Variants in PTPRD observed in about 807,000 individuals in gnomAD.
The protein encoded by PTPRD is receptor-type tyrosine-protein phosphatase delta.
A neutral mutation model predicts 214.5 loss-of-function variants in PTPRD; 34 were observed. The ratio of observed to expected loss-of-function variants is 0.16; its 90% CI spans 0.12 to 0.21. The LOEUF (loss-of-function observed/expected upper bound fraction) is 0.21. Ranked by LOEUF, PTPRD falls within the 10% of genes least tolerant of loss-of-function variation. The pLI, the probability that PTPRD is intolerant of heterozygous loss-of-function variation, is 1.00. For missense variants in PTPRD, 2,545 were observed against 2,398.7 expected, an observed-to-expected ratio of 1.06 and a Z score of -1.27; for synonymous variants, 1,128 against 845.7, an observed-to-expected ratio of 1.33 and a Z score of -5.79.
intron 8 of PTPRD, among the ~76,000 whole-genome samples, chr9:9,550,596 TG>T (rs964921395): frequency 6.0e-5 from 9 of 150,712 alleles, no homozygotes; most frequent in African/African-American, 2.2e-4. Flanking sequence ...TTGGTTCTGT[TG>T]CTCTGGAAAG....
At chr9:10,165,287 T>G (rs1006862425) in intron 3 of PTPRD, among the ~76,000 whole-genome samples, 2 of 151,734 alleles carry the variant, frequency 1.3e-5, no homozygotes, top group Non-Finnish European at 3.0e-5. Context: ...AAGAGTAATT[T>G]TCAAAGCATG....
chr9:9,955,521 G>GTTTTTTTTTTTTTTTTTTTTTTT (rs1194987444), intron 4 of PTPRD, among the ~76,000 whole-genome samples: 7 of 145,548 alleles, frequency 4.8e-5, no homozygotes, highest in African/African-American at 1.6e-4. Context: ...GTTTTGTTTT[G>GTTTTTTTTTTTTTTTTTTTTTTT]TTTTGTTTTT....
At chr9:9,588,799 T>G (rs2092389328) in intron 7 of PTPRD, among the ~76,000 whole-genome samples, 1 of 151,994 alleles carries the variant, frequency 6.6e-6, no homozygotes, top group African/African-American at 2.4e-5. Flanking sequence ...TGTCATCATT[T>G]TAGCTGAGTA....
chr9:10,552,272 T>A (rs2061514555), intron 2 of PTPRD, among the ~76,000 whole-genome samples: 2 of 152,156 alleles, frequency 1.3e-5, no homozygotes, highest in African/African-American at 4.8e-5. Flanking sequence ...GTATTAAGAA[T>A]TTAAGGTATC....
chr9:10,205,111 T>C (rs138106231), intron 3 of PTPRD, among the ~76,000 whole-genome samples: 10 of 152,254 alleles, frequency 6.6e-5, no homozygotes, highest in African/African-American at 1.7e-4. Flanking sequence ...TGTATATGTG[T>C]ATTTATTTAT....
At chr9:9,933,326 G>C (rs1245408278) in intron 5 of PTPRD, among the ~76,000 whole-genome samples, 1 of 152,016 alleles carries the variant, frequency 6.6e-6, no homozygotes, top group East Asian at 1.9e-4. Flanking sequence ...CTGTATTCAG[G>C]AAACCCATCT....
intron 10 of PTPRD, 58 bp from the exon 11 acceptor site, chr9:9,018,793 C>G (rs146936206): frequency 6.6e-6 from 1 of 152,158 alleles, no homozygotes; most frequent in Admixed American, 6.5e-5. Context: ...TATTAAAATA[C>G]TGCTCATTTA....
intron 3 of PTPRD, among the ~76,000 whole-genome samples, chr9:10,202,996 C>G (rs1164672851): frequency 1.3e-5 from 2 of 151,726 alleles, no homozygotes; most frequent in Non-Finnish European, 2.9e-5. Flanking sequence ...CAACGGTATT[C>G]TGTTATAGAA....
chr9:8,770,275 T>C (rs1422583396), intron 11 of PTPRD, among the ~76,000 whole-genome samples: 1 of 151,832 alleles, frequency 6.6e-6, no homozygotes, highest in Non-Finnish European at 1.5e-5. Context: ...CAGAGCTAGA[T>C]TCCGTCTCAA....
intron 7 of PTPRD, among the ~76,000 whole-genome samples, chr9:9,724,682 G>C (rs527457218): frequency 4.8e-4 from 73 of 152,246 alleles, no homozygotes; most frequent in African/African-American, 1.7e-3. Context: ...TGATAAAAAT[G>C]ATAGACAACA....
At chr9:9,952,437 C>G (rs886291757) in intron 4 of PTPRD, among the ~76,000 whole-genome samples, 3 of 152,114 alleles carry the variant, frequency 2.0e-5, no homozygotes, top group African/African-American at 7.2e-5. Flanking sequence ...GTAGGTATAA[C>G]AAACAAGGAT....
chr9:8,563,940 G>T (rs2087650184), intron 14 of PTPRD, among the ~76,000 whole-genome samples: 1 of 152,170 alleles, frequency 6.6e-6, no homozygotes, highest in Non-Finnish European at 1.5e-5. Context: ...TGCTGGGATT[G>T]CAGGCGTGAG....
At chr9:8,783,655 G>A (rs986561376) in intron 11 of PTPRD, among the ~76,000 whole-genome samples, 42 of 152,314 alleles carry the variant, frequency 2.8e-4, no homozygotes, top group African/African-American at 9.6e-4. Flanking sequence ...GCCCACTGGT[G>A]CTTGAGAGTG....
At chr9:8,909,215 C>G (rs1030122936) in intron 11 of PTPRD, among the ~76,000 whole-genome samples, 1 of 151,958 alleles carries the variant, frequency 6.6e-6, no homozygotes, top group East Asian at 1.9e-4. Context: ...TTTACATAAA[C>G]TCCTTCAGAA....
At chr9:9,275,069 TA>T (rs1944521713) in intron 9 of PTPRD, among the ~76,000 whole-genome samples, 4 of 65,706 alleles carry the variant, frequency 6.1e-5, no homozygotes, top group African/African-American at 2.5e-4. Flanking sequence ...ATATATATTA[TA>T]TATATATATA....
intron 8 of PTPRD, among the ~76,000 whole-genome samples, chr9:9,481,933 A>G (rs181341721): frequency 9.8e-5 from 15 of 152,328 alleles, no homozygotes; most frequent in African/African-American, 3.4e-4. Context: ...ATAAAAATTA[A>G]TAAAATCAAA....
chr9:10,356,405 T>C (rs570919681), intron 2 of PTPRD, among the ~76,000 whole-genome samples: 1 of 152,322 alleles, frequency 6.6e-6, no homozygotes, highest in East Asian at 1.9e-4. Context: ...AAAATGATAT[T>C]TGAAAATGCT....
chr9:10,048,040 A>G (rs1316998475), intron 3 of PTPRD, among the ~76,000 whole-genome samples: 2 of 152,198 alleles, frequency 1.3e-5, no homozygotes, highest in Non-Finnish European at 2.9e-5. Context: ...TCTGAGTTGT[A>G]TGCTAGCTCT....
chr9:10,243,211 T>C (rs79492668), intron 3 of PTPRD, among the ~76,000 whole-genome samples: 3,421 of 152,080 alleles, frequency 0.022, 101 homozygotes, highest in African/African-American at 0.075. Flanking sequence ...AGTTGCTGCT[T>C]TGAGACTAAA....
Sources: gnomAD v4.1 joint callset for allele counts (sites outside exome capture counted in the v4.1 genomes callset) on GRCh38, gnomAD v4.1.1 for gene constraint, MANE v1.5 for transcripts, NCBI Gene and HGNC (gene_info 2026-07-23, HGNC 2026-07-21) for gene names.